SH3GL3: variants seen among roughly 807,000 people sequenced by gnomAD.
SH3GL3 encodes the protein endophilin-A3.
Under a neutral mutation model 47.7 loss-of-function variants are expected in SH3GL3, and 33 were observed. That is an observed-to-expected ratio of 0.69 (90% CI 0.52 to 0.92). The LOEUF is 0.92. Ranked by LOEUF, SH3GL3 falls within the 40% of genes least tolerant of loss-of-function variation. The pLI, the probability that SH3GL3 is intolerant of heterozygous loss-of-function variation, is 0.00. For synonymous variants in SH3GL3, 155 were observed against 148.8 expected (o/e 1.04, Z -0.30); for missense variants, 363 against 417.8 (o/e 0.87, Z 1.14).
rs566686504 is a variant in SH3GL3 at position 83,538,096 on chromosome 15, G to T, written c.46-21157G>T. On this transcript the variant is annotated intron_variant, in intron 1 of 8. Coordinates refer to ENST00000427482, the MANE Select transcript of SH3GL3 (RefSeq NM_003027.5). ...TAGCATTTAGCGTGCAGGGAGTACAGTCACAATGTAATAGCCCCTGGGATT... is the reference window on the plus strand; with the variant it reads ...TAGCATTTAGCGTGCAGGGAGTACATTCACAATGTAATAGCCCCTGGGATT... Among the ~76,000 whole-genome samples the T allele has an allele frequency of 2.0e-5, 3 of 152,264 alleles. No individual in the cohort carries two copies. In the South Asian group the frequency reaches 6.2e-4, roughly 32 times the overall value.
intron 8 of SH3GL3, among the ~76,000 whole-genome samples, chr15:83,613,756 A>G (rs1022281932): frequency 4.6e-5 from 7 of 152,154 alleles, no homozygotes; most frequent in Non-Finnish European, 8.8e-5. Context: ...ACGAGGTGAC[A>G]TGGAGCAAGG....
chr15:83,631,140 T>C, the SH3GL3 span, among the ~76,000 whole-genome samples: 6 of 152,110 alleles, frequency 3.9e-5, no homozygotes, highest in African/African-American at 1.4e-4. Flanking sequence ...TCCAAAATGA[T>C]CTCATTTGAT....
chr15:83,550,644 C>A (rs1216084513), intron 1 of SH3GL3, among the ~76,000 whole-genome samples: 1 of 152,170 alleles, frequency 6.6e-6, no homozygotes, highest in Non-Finnish European at 1.5e-5. Context: ...CCTGCTGTGG[C>A]CTTCCAAAGT....
Position 83,568,591 on chromosome 15 carries a change from A to G in SH3GL3, c.250A>G (p.Thr84Ala). ...GAAGATCCGAGGGCAGGTGAAGACC[A>G]CAGGATACCCGCAGACGGAAGGCTT... ...VSKIRGQVKT[T>A]GYPQTEGLLG... is the part of the protein sequence containing the mutation. Residue 84 changes from threonine (T) to alanine (A), a missense_variant, in exon 4 of 9, where the codon ACA becomes GCA. Physicochemically the swap from Thr to Ala is moderately conservative, Grantham distance 58. Coordinates refer to ENST00000427482, the MANE Select transcript of SH3GL3 (RefSeq NM_003027.5). The G allele has an allele frequency of 6.2e-7, 1 of 1,613,464 alleles. No individual in the cohort carries two copies.
intron 6 of SH3GL3, among the ~76,000 whole-genome samples, chr15:83,585,860 T>A (rs747506973): frequency 6.6e-6 from 1 of 152,018 alleles, no homozygotes; most frequent in Non-Finnish European, 1.5e-5. Flanking sequence ...ATAGTATAAG[T>A]GAGTAAGAAA....
chr15:83,550,120 T>G (rs192992448), intron 1 of SH3GL3, among the ~76,000 whole-genome samples: 55 of 152,332 alleles, frequency 3.6e-4, no homozygotes, highest in African/African-American at 1.3e-3. Flanking sequence ...ACAACTTACA[T>G]ATTACCTTTA....
At chr15:83,512,409 T>A (rs988166020) in intron 1 of SH3GL3, among the ~76,000 whole-genome samples, 4 of 152,222 alleles carry the variant, frequency 2.6e-5, no homozygotes, top group African/African-American at 9.6e-5. Context: ...ATTTCGAAAC[T>A]ACTCCTAGGG....
At chr15:83,539,439 ACT>A (rs2044060436) in intron 1 of SH3GL3, among the ~76,000 whole-genome samples, 1 of 152,082 alleles carries the variant, frequency 6.6e-6, no homozygotes, top group Non-Finnish European at 1.5e-5. Flanking sequence ...TCTTCTGAAG[ACT>A]CTACCTCCTA....
At chr15:83,478,781 A>T (rs1244535288) in intron 1 of SH3GL3, among the ~76,000 whole-genome samples, 1 of 152,136 alleles carries the variant, frequency 6.6e-6, no homozygotes, top group African/African-American at 2.4e-5. Context: ...AACACGGTGG[A>T]CTCAACTTTG....
At chr15:83,578,811 C>T (rs1016591628) in intron 6 of SH3GL3, among the ~76,000 whole-genome samples, 3 of 152,112 alleles carry the variant, frequency 2.0e-5, no homozygotes, top group African/African-American at 7.2e-5. Context: ...GTTTTGAAGT[C>T]TTTAGAAAAT....
At chr15:83,624,413 G>A in the SH3GL3 span, among the ~76,000 whole-genome samples, 20 of 152,284 alleles carry the variant, frequency 1.3e-4, no homozygotes, top group African/African-American at 4.3e-4. Context: ...CCTACTTGAC[G>A]CAGGTGAAAG....
chr15:83,521,484 C>T (rs540476515), intron 1 of SH3GL3, among the ~76,000 whole-genome samples: 88 of 152,222 alleles, frequency 5.8e-4, no homozygotes, highest in Middle Eastern at 6.8e-3. Context: ...TGGAATGGCC[C>T]AGGAGATACC....
intron 8 of SH3GL3, 116 bp downstream of exon 8, chr15:83,588,887 T>A (rs896346765): frequency 1.6e-6 from 1 of 641,916 alleles, no homozygotes; most frequent in Non-Finnish European, 2.8e-6. Flanking sequence ...TATCTTTCTT[T>A]GGTTGTTTGG....
intron 6 of SH3GL3, among the ~76,000 whole-genome samples, chr15:83,581,608 G>T (rs1239426724): frequency 6.6e-6 from 1 of 152,194 alleles, no homozygotes; most frequent in Non-Finnish European, 1.5e-5. Flanking sequence ...TCCTTGCAGT[G>T]TCTAGGTACC....
chr15:83,544,260 A>G (rs2044299544), intron 1 of SH3GL3, among the ~76,000 whole-genome samples: 1 of 152,040 alleles, frequency 6.6e-6, no homozygotes, highest in South Asian at 2.1e-4. Context: ...TCATTTCTTC[A>G]TTGACCCACT....
chr15:83,559,662 C>G (rs777760141), intron 2 of SH3GL3, among the ~76,000 whole-genome samples: 1 of 152,198 alleles, frequency 6.6e-6, no homozygotes, highest in Non-Finnish European at 1.5e-5. Flanking sequence ...AAATGTATTT[C>G]TGGGACAAGA....
At chr15:83,561,249 C>T (rs965983499) in intron 2 of SH3GL3, among the ~76,000 whole-genome samples, 2 of 151,684 alleles carry the variant, frequency 1.3e-5, no homozygotes, top group Non-Finnish European at 2.9e-5. Flanking sequence ...AAAAAAAACT[C>T]GATAAATTTC....
intron 8 of SH3GL3, among the ~76,000 whole-genome samples, chr15:83,613,685 G>A (rs940271670): frequency 6.6e-6 from 1 of 151,348 alleles, no homozygotes; most frequent in Non-Finnish European, 1.5e-5. Context: ...CATTAGCCCT[G>A]TAATCAGTGT....
intron 1 of SH3GL3, among the ~76,000 whole-genome samples, chr15:83,459,154 A>C (rs2040148191): frequency 6.6e-6 from 1 of 152,232 alleles, no homozygotes; most frequent in African/African-American, 2.4e-5. Context: ...GATGAAGGCC[A>C]GGAGACTCGG....
Sources: allele counts gnomAD v4.1 joint callset (sites outside exome capture counted in the v4.1 genomes callset), GRCh38; gene constraint gnomAD v4.1.1; transcripts MANE v1.5; gene names NCBI Gene and HGNC (gene_info 2026-07-23, HGNC 2026-07-21).